Variants in MGAT4C observed in about 807,000 individuals in gnomAD.
The protein encoded by MGAT4C is MGAT4 family member C.
A neutral mutation model predicts 40.1 loss-of-function variants in MGAT4C; 19 were observed. The observed-to-expected ratio is 0.47, with a 90% CI of 0.33 to 0.70. The LOEUF (loss-of-function observed/expected upper bound fraction) is 0.70. MGAT4C is among the 30% of genes least tolerant of loss of function. MGAT4C has a pLI of 0.02. For missense variants in MGAT4C, 491 were observed against 563.2 expected, an observed-to-expected ratio of 0.87 and a Z score of 1.30; for synonymous variants, 181 against 187.1, an observed-to-expected ratio of 0.97 and a Z score of 0.27.
intron 2 of MGAT4C, among the ~76,000 whole-genome samples, chr12:86,512,750 A>G (rs1958613470): frequency 6.6e-6 from 1 of 152,168 alleles, no homozygotes; most frequent in African/African-American, 2.4e-5. Context: ...AGCAGAGGGT[A>G]GAATGGTGGT....
intron 3 of MGAT4C, among the ~76,000 whole-genome samples, chr12:86,350,249 C>T (rs1193810558): frequency 1.3e-5 from 2 of 152,074 alleles, no homozygotes; most frequent in Non-Finnish European, 2.9e-5. Flanking sequence ...TATCTGGTCA[C>T]CCTCTCTTGC....
intron 1 of MGAT4C, among the ~76,000 whole-genome samples, chr12:86,077,962 T>C (rs1230734759): frequency 6.6e-6 from 1 of 152,208 alleles, no homozygotes; most frequent in African/African-American, 2.4e-5. Context: ...TCCAGTTTAA[T>C]GGAATCGTTG....
intron 2 of MGAT4C, among the ~76,000 whole-genome samples, chr12:86,443,927 A>C (rs1295306928): frequency 6.6e-6 from 1 of 152,040 alleles, no homozygotes; most frequent in African/African-American, 2.4e-5. Context: ...AGTTTTACCA[A>C]ACTTTCTCAT....
At chr12:86,362,323 A>G (rs1390884270) in intron 3 of MGAT4C, among the ~76,000 whole-genome samples, 1 of 151,792 alleles carries the variant, frequency 6.6e-6, no homozygotes, top group African/African-American at 2.4e-5. Context: ...AACATCGCCC[A>G]TTGGGGCCTG....
chr12:86,075,569 C>T (rs1431607600), intron 1 of MGAT4C, among the ~76,000 whole-genome samples: 5 of 152,242 alleles, frequency 3.3e-5, no homozygotes, highest in Non-Finnish European at 4.4e-5. Flanking sequence ...TCTGATCCCA[C>T]ACTTCCCTTC....
At chr12:86,807,981 T>C (rs1460432575) in intron 1 of MGAT4C, among the ~76,000 whole-genome samples, 2 of 146,740 alleles carry the variant, frequency 1.4e-5, no homozygotes. Context: ...TTTTTTTTTC[T>C]TATAAATTTG....
chr12:86,306,645 G>T (rs1368703899), intron 4 of MGAT4C, among the ~76,000 whole-genome samples: 1 of 150,446 alleles, frequency 6.6e-6, no homozygotes, highest in Non-Finnish European at 1.5e-5. Flanking sequence ...ATATGCAATT[G>T]TCAAAATTAA....
intron 2 of MGAT4C, among the ~76,000 whole-genome samples, chr12:86,703,510 CAA>C (rs1216284925): frequency 6.6e-6 from 1 of 151,816 alleles, no homozygotes; most frequent in African/African-American, 2.4e-5. Flanking sequence ...CTTCCACCAA[CAA>C]AAAAAATTCA....
intron 2 of MGAT4C, among the ~76,000 whole-genome samples, chr12:86,632,076 C>A (rs1963064810): frequency 6.6e-6 from 1 of 151,860 alleles, no homozygotes; most frequent in African/African-American, 2.4e-5. Context: ...TCAAACAACC[C>A]CATCAAAAAG....
At chr12:86,202,955 C>T (rs1370582450) in intron 1 of MGAT4C, among the ~76,000 whole-genome samples, 1 of 151,832 alleles carries the variant, frequency 6.6e-6, no homozygotes, top group African/African-American at 2.4e-5. Flanking sequence ...CAAAATCGAT[C>T]TCATCTGGTA....
intron 1 of MGAT4C, among the ~76,000 whole-genome samples, chr12:86,834,258 A>T (rs1384709685): frequency 1.3e-5 from 2 of 151,766 alleles, no homozygotes; most frequent in Non-Finnish European, 2.9e-5. Context: ...TGCTGAGGGA[A>T]AAATGCCTCA....
rs1416427665 is a variant in MGAT4C at position 86,212,913 on chromosome 12, A to AC, written c.-57+43325_-57+43326insG. 6.1e-5 allele frequency among the ~76,000 whole-genome samples: 9 copies of AC among 147,386 alleles called. 1 individual carries two copies. Among genetic ancestry groups the AC allele is most frequent in the Non-Finnish European group, 9.0e-5 (6 of 66,532 alleles). The stretch of plus-strand genomic sequence containing the variant: ...TCTCAAAAAAAAAAAAAAAAAAAAA[A>AC]AAAAAAAAGAACACTCATTAACTGT... On this transcript the variant is annotated intron_variant, in intron 1 of 4. Transcript: ENST00000611864.
At chr12:86,608,267 A>T (rs1340925208) in intron 2 of MGAT4C, among the ~76,000 whole-genome samples, 1 of 152,102 alleles carries the variant, frequency 6.6e-6, no homozygotes, top group African/African-American at 2.4e-5. Context: ...TCCACAAAAT[A>T]TCTTATATCA....
chr12:86,003,086 C>T (rs1017794375), intron 2 of MGAT4C, among the ~76,000 whole-genome samples: 1 of 152,116 alleles, frequency 6.6e-6, no homozygotes, highest in African/African-American at 2.4e-5. Context: ...CAGGTGTGAG[C>T]CACCACACCT....
At chr12:86,347,156 G>C (rs80164334) in intron 3 of MGAT4C, among the ~76,000 whole-genome samples, 2 of 152,220 alleles carry the variant, frequency 1.3e-5, no homozygotes, top group East Asian at 3.9e-4. Context: ...GTTATCGTCT[G>C]AGTCAATTCT....
intron 1 of MGAT4C, among the ~76,000 whole-genome samples, chr12:86,816,411 T>C (rs1252474612): frequency 1.3e-5 from 2 of 151,842 alleles, no homozygotes; most frequent in Non-Finnish European, 2.9e-5. Context: ...TATCAGAATA[T>C]TTTACTTTTG....
At position 86,587,134 on chromosome 12, in the gene MGAT4C, G is replaced by A. The variant is rs1262678709; in HGVS notation, c.-229+140075C>T. 2.6e-5 allele frequency among the ~76,000 whole-genome samples: 4 copies of A among 151,964 alleles called. No homozygotes were observed. The South Asian group carries it at 8.3e-4, about 32-fold the overall frequency. ...CATCTTGAATTGATTTTTGTATAAG[G>A]TGTAAGGAAGGGATCCAGTTTCAGC... On this transcript the variant is annotated intron_variant, in intron 2 of 7. Transcript: ENST00000548651.
Position 86,732,240 on chromosome 12 carries a change from A to G in MGAT4C, c.-261-4999T>C, listed in dbSNP as rs117081420. On this transcript the variant is annotated intron_variant, in intron 1 of 7. Transcript: ENST00000548651. ...CTCTTTACTTTCTATTTAGTTCATC[A>G]ATGCATTTGAATGTTTTAATACAAC... Among the ~76,000 whole-genome samples, 110 of 152,198 alleles carry G rather than the reference A, an allele frequency of 7.2e-4. 5 individuals carry two copies. In the East Asian group the frequency reaches 0.021, roughly 29 times the overall value.
intron 2 of MGAT4C, among the ~76,000 whole-genome samples, chr12:86,000,258 T>TA (rs1384747628): frequency 6.6e-6 from 1 of 151,504 alleles, no homozygotes; most frequent in Non-Finnish European, 1.5e-5. Context: ...AAAGTAAAGG[T>TA]AAAAATCAAT....
Sources: allele counts gnomAD v4.1 joint callset (sites outside exome capture counted in the v4.1 genomes callset), GRCh38; gene constraint gnomAD v4.1.1; transcripts MANE v1.5; gene names NCBI Gene and HGNC (gene_info 2026-07-23, HGNC 2026-07-21).